The following NOVA2 variants were observed in gnomAD, a reference collection of about 807,000 sequenced individuals.
NOVA2 encodes NOVA alternative splicing regulator 2, also known as RNA-binding protein Nova-2.
NOVA2 carries 9 observed loss-of-function variants against 22.5 expected under a neutral mutation model. That is an observed-to-expected ratio of 0.40 (90% CI 0.24 to 0.70). The LOEUF (loss-of-function observed/expected upper bound fraction) is 0.70, where lower values mean the gene tolerates loss of function less well. Among genes scored for constraint, NOVA2 ranks in the 30% least tolerant of loss-of-function variants. The probability of loss-of-function intolerance (pLI) is 0.38; values close to 1 mark genes in which losing one functional copy is unlikely to be tolerated. For synonymous variants in NOVA2, 318 were observed against 335.2 expected (o/e 0.95, Z 0.56); for missense variants, 383 against 682.8 (o/e 0.56, Z 4.89).
chr19:45,941,004 A>G lies in NOVA2; in HGVS notation c.397-59T>C, dbSNP rs1011343112. 21 of 1,471,240 alleles carry G rather than the reference A, an allele frequency of 1.4e-5. No individual in the cohort carries two copies. In the African/African-American group the frequency reaches 3.0e-4, roughly 21 times the overall value. The allele number at this position is 1,471,240 out of a possible 1,614,324, so 91.1% of individuals were successfully genotyped here. A position where few individuals can be genotyped will look rare whatever the true frequency, so the allele number is the denominator to read the frequency against. Reference sequence around the variant, plus strand: ...TTATTTTTTTAAAAAATTAAATTAAATTAGGCTGGGCACGGTGGCTGTCGC... The same window carrying G: ...TTATTTTTTTAAAAAATTAAATTAAGTTAGGCTGGGCACGGTGGCTGTCGC... On this transcript the variant is annotated intron_variant, in intron 3 of 3. Coordinates refer to ENST00000263257, the MANE Select transcript of NOVA2 (RefSeq NM_002516.4).
rs75537350 is a variant in NOVA2 at position 45,935,770 on chromosome 19, G to C, written c.*4093C>G. 1.3e-5 allele frequency: 2 copies of C among 152,304 alleles called. No individual in the cohort carries two copies. The highest frequency in any genetic ancestry group is 1.3e-4 in the Admixed American group (2 of 15,284). 9.4% of individuals were successfully genotyped at this position (152,304 alleles called of 1,614,324 possible). On this transcript the variant is annotated 3_prime_UTR_variant, in exon 4 of 4. Transcript: ENST00000263257. ...CCACCAATCAAAACAAAGTAAGAAG[G>C]AGGATGTGGGATGGAGGAACAGGGA...
At chr19:45,954,055 C>A in intron 2 of NOVA2, 109 bp from the exon 3 acceptor site, 1 of 1,216,932 alleles carries the variant, frequency 8.2e-7, no homozygotes, top group South Asian at 1.4e-5. Flanking sequence ...AGAGAGTGGA[C>A]CTGACTGATC....
chr19:45,954,291 T>G lies in NOVA2; in HGVS notation c.230-345A>C, dbSNP rs555197142. 8.5e-5 allele frequency among the ~76,000 whole-genome samples: 13 copies of G among 152,282 alleles called. No homozygotes were observed. In the South Asian group the frequency reaches 2.7e-3, roughly 32 times the overall value. ...CAGTTCTTGCGGTTCCCTGGTTGCT[T>G]TGGCAACCATTCACTCACTCCGCCC... On this transcript the variant is annotated intron_variant, in intron 2 of 3. Transcript: ENST00000263257.
In NOVA2 at chr19:45,940,138, C is replaced by G. The variant is rs776154018; in HGVS notation, c.1204G>C (p.Ala402Pro). 6.2e-7 allele frequency: 1 copy of G among 1,609,940 alleles called. No individual in the cohort carries two copies. Among genetic ancestry groups the G allele is most frequent in the East Asian group, 2.2e-5 (1 of 44,768 alleles). ...GGFLTAEKLA[A>P]ESAKELVEIA... ...TCCACCAGCTCCTTGGCACTCTCAG[C>G]CGCCAGCTTCTCCGCCGTCAGGAAG... is the stretch of plus-strand genomic sequence containing the variant. Residue 402 changes from alanine (A) to proline (P), a missense_variant, in exon 4 of 4, where the codon GCT (alanine) becomes CCT (proline). Ala to Pro is a conservative substitution (Grantham distance 27). Coordinates refer to ENST00000263257, the MANE Select transcript of NOVA2 (RefSeq NM_002516.4).
intron 1 of NOVA2, among the ~76,000 whole-genome samples, chr19:45,963,455 A>T (rs562278884): frequency 1.3e-5 from 2 of 151,316 alleles, no homozygotes; most frequent in Non-Finnish European, 2.9e-5. Context: ...TGTTCCTTAA[A>T]CGTGCCCTGC....
chr19:45,946,308 A>G (rs1308324511), intron 3 of NOVA2, among the ~76,000 whole-genome samples: 1 of 152,196 alleles, frequency 6.6e-6, no homozygotes, highest in Admixed American at 6.5e-5. Flanking sequence ...TGAACAAGAA[A>G]AAGGAATCTT....
At chr19:45,960,774 A>C (rs1306915392) in intron 2 of NOVA2, among the ~76,000 whole-genome samples, 1 of 152,166 alleles carries the variant, frequency 6.6e-6, no homozygotes, top group Non-Finnish European at 1.5e-5. Context: ...CGCATCATGC[A>C]AATGAGCTCA....
intron 3 of NOVA2, among the ~76,000 whole-genome samples, chr19:45,950,265 T>A (rs1466905363): frequency 6.6e-6 from 1 of 152,062 alleles, no homozygotes; most frequent in Non-Finnish European, 1.5e-5. Flanking sequence ...TTCAAGCGAT[T>A]CTTCTGCCTC....
chr19:45,953,022 T>C (rs768824088), intron 3 of NOVA2, among the ~76,000 whole-genome samples: 1 of 152,218 alleles, frequency 6.6e-6, no homozygotes, highest in Non-Finnish European at 1.5e-5. Flanking sequence ...GGAGTACGCA[T>C]GCATAGGGGA....
Position 45,961,146 on chromosome 19 carries a change from G to A in NOVA2, c.93C>T (p.Gly31=), listed in dbSNP as rs376342520. 4 of 1,598,952 alleles carry A rather than the reference G, an allele frequency of 2.5e-6. No individual in the cohort carries two copies. Among genetic ancestry groups the A allele is most frequent in the African/African-American group, 2.7e-5 (2 of 74,744 alleles). ...CTKRSNTGEE[G]EYFLKVLIPS... ...GGATCAGCACCTTCAGGAAGTATTC[G>A]CCTTCCTCTGCGGGGGCACACAGGG... is the stretch of plus-strand genomic sequence containing the variant. Residue 31 remains glycine (G), a synonymous_variant, in exon 2 of 4, where the codon GGC becomes GGT. Coordinates refer to ENST00000263257, the MANE Select transcript of NOVA2 (RefSeq NM_002516.4).
chr19:45,961,174 G>T, intron 1 of NOVA2, 21 bp from the exon 2 acceptor site: 1 of 1,592,040 alleles, frequency 6.3e-7, no homozygotes, highest in Non-Finnish European at 8.6e-7. Context: ...ACACAGGGTG[G>T]AGGGGAGTCA....
At chr19:45,957,212 C>A (rs939641370) in intron 2 of NOVA2, among the ~76,000 whole-genome samples, 1 of 151,988 alleles carries the variant, frequency 6.6e-6, no homozygotes, top group Non-Finnish European at 1.5e-5. Flanking sequence ...GGAGTTCAGC[C>A]TGGGCAATAT....
Position 45,973,296 on chromosome 19 carries a change from A to G in NOVA2, c.56T>C (p.Val19Ala). 7.5e-7 allele frequency: 1 copy of G among 1,342,038 alleles called. No individual in the cohort carries two copies. Among genetic ancestry groups the G allele is most frequent in the South Asian group, 1.9e-5 (1 of 53,572 alleles). The allele number at this position is 1,342,038 out of a possible 1,614,324, so 83.1% of individuals were successfully genotyped here. ...CGTGTTGCTGCGCTTGGTGCAGACCACCTCGGGGGGCGTTTCGAGGGGCCT... is the reference window on the plus strand; with the variant it reads ...CGTGTTGCTGCGCTTGGTGCAGACCGCCTCGGGGGGCGTTTCGAGGGGCCT... ...RKRPLETPPE[V>A]VCTKRSNTGE... is the part of the protein sequence containing the mutation. The change falls in exon 1 of 4, where the codon GTG becomes GCG. Residue 19 changes from valine to alanine, a missense_variant. Val to Ala is a moderately conservative substitution (Grantham distance 64). Transcript: ENST00000263257.
At chr19:45,946,820 C>G (rs765077113) in intron 3 of NOVA2, among the ~76,000 whole-genome samples, 1 of 150,946 alleles carries the variant, frequency 6.6e-6, no homozygotes, top group African/African-American at 2.4e-5. Context: ...TGCAGCGAGC[C>G]GAGATCATCG....
At chr19:45,973,014 C>T (rs118096920) in intron 1 of NOVA2, among the ~76,000 whole-genome samples, 1 of 141,840 alleles carries the variant, frequency 7.1e-6, no homozygotes, top group South Asian at 2.4e-4. Flanking sequence ...CCATCTTCTG[C>T]GCCCCCCAAG....
At chr19:45,957,681 G>A (rs1358444895) in intron 2 of NOVA2, among the ~76,000 whole-genome samples, 4 of 150,454 alleles carry the variant, frequency 2.7e-5, no homozygotes, top group Non-Finnish European at 5.9e-5. Flanking sequence ...TCCAGCCTGG[G>A]TAACAGAGGA....
rs533640283 is a variant in NOVA2, at chr19:45,951,422, G to C, written c.396+2358C>G. Among the ~76,000 whole-genome samples the C allele has an allele frequency of 3.9e-5, 6 of 152,146 alleles. No individual in the cohort carries two copies. In the South Asian group the frequency reaches 1.2e-3, roughly 32 times the overall value. On this transcript the variant is annotated intron_variant, in intron 3 of 3. Transcript: ENST00000263257. ...ACCTGAGGTCAGGAATTCGAGACTG[G>C]CCTGGCCAACATGGTGAAACCCCAT...
intron 2 of NOVA2, among the ~76,000 whole-genome samples, chr19:45,959,208 C>G (rs1173869074): frequency 1.3e-5 from 2 of 151,898 alleles, no homozygotes; most frequent in Non-Finnish European, 2.9e-5. Flanking sequence ...TTCCTACATT[C>G]CTGTGGGATG....
chr19:45,973,228 C>CT (rs1447230814), intron 1 of NOVA2, 39 bp downstream of exon 1: 1 of 1,324,714 alleles, frequency 7.5e-7, no homozygotes, highest in Admixed American at 2.5e-5. Context: ...GCGAGGCCCC[C>CT]TGCCCGCTCC....
Sources: gnomAD v4.1 joint callset for allele counts (sites outside exome capture counted in the v4.1 genomes callset) on GRCh38, gnomAD v4.1.1 for gene constraint, MANE v1.5 for transcripts, NCBI Gene and HGNC (gene_info 2026-07-23, HGNC 2026-07-21) for gene names.